The following GRK5 variants were observed in gnomAD, a reference collection of about 807,000 sequenced individuals.
GRK5 encodes G protein-coupled receptor kinase 5.
A neutral mutation model predicts 78.4 loss-of-function variants in GRK5; 40 were observed. The observed-to-expected ratio is 0.51, with a 90% confidence interval of 0.40 to 0.66. GRK5 has a LOEUF of 0.66. GRK5 is among the 30% of genes least tolerant of loss of function. The probability of loss-of-function intolerance (pLI) is 0.00; values close to 1 mark genes in which losing one functional copy is unlikely to be tolerated. For missense variants in GRK5, 598 were observed against 759.9 expected (o/e 0.79, Z 2.50); for synonymous variants, 289 against 296.8 (o/e 0.97, Z 0.27).
rs1209425297 is a variant in GRK5, at chr10:119,455,966, G to C, written c.*899G>C. Reference sequence around the variant, plus strand: ...CTGCTAAAGCCAGTCATTTGCAAGAGGTTTGCATTGGGGGATTTTTGCTCT... The same window carrying C: ...CTGCTAAAGCCAGTCATTTGCAAGACGTTTGCATTGGGGGATTTTTGCTCT... On this transcript the variant is annotated 3_prime_UTR_variant, in exon 16 of 16. Coordinates refer to ENST00000392870, the MANE Select transcript of GRK5 (RefSeq NM_005308.3). The C allele has an allele frequency of 6.6e-6, 1 of 152,416 alleles. No individual in the cohort carries two copies. Among genetic ancestry groups the C allele is most frequent in the Non-Finnish European group, 1.5e-5 (1 of 68,186 alleles). 9.4% of individuals were successfully genotyped at this position (152,416 alleles called of 1,614,324 possible).
At chr10:119,292,249 CCCTCCT>C (rs1304099938) in intron 1 of GRK5, among the ~76,000 whole-genome samples, 1 of 87,538 alleles carries the variant, frequency 1.1e-5, no homozygotes, top group African/African-American at 4.5e-5. Flanking sequence ...TTCCTCCTTC[CCCTCCT>C]CTTCCTCTTC....
At chr10:119,377,182 A>T (rs1851638455) in intron 2 of GRK5, among the ~76,000 whole-genome samples, 1 of 152,236 alleles carries the variant, frequency 6.6e-6, no homozygotes, top group Non-Finnish European at 1.5e-5. Flanking sequence ...TCCAAGCTGG[A>T]TTTCAACAAC....
intron 6 of GRK5, among the ~76,000 whole-genome samples, chr10:119,429,150 T>C (rs975440536): frequency 6.6e-6 from 1 of 152,184 alleles, no homozygotes; most frequent in African/African-American, 2.4e-5. Flanking sequence ...GTTTGGGCCC[T>C]GTGTCCTGAG....
intron 4 of GRK5, among the ~76,000 whole-genome samples, chr10:119,397,200 A>G (rs917056109): frequency 1.3e-5 from 2 of 152,214 alleles, no homozygotes; most frequent in African/African-American, 2.4e-5. Context: ...GCCCAACGAC[A>G]TCAAAGAATG....
At chr10:119,408,741 GT>G (rs374876495) in intron 4 of GRK5, among the ~76,000 whole-genome samples, 11 of 152,320 alleles carry the variant, frequency 7.2e-5, no homozygotes, top group African/African-American at 2.2e-4. Context: ...CAGAGTGTCT[GT>G]TGGGATGATA....
chr10:119,290,397 C>T (rs911267873), intron 1 of GRK5, among the ~76,000 whole-genome samples: 1 of 150,990 alleles, frequency 6.6e-6, no homozygotes, highest in African/African-American at 2.4e-5. Context: ...TCCCTGTGGC[C>T]GTCACCTCTA....
intron 6 of GRK5, among the ~76,000 whole-genome samples, chr10:119,428,962 A>G (rs1477212694): frequency 6.6e-6 from 1 of 152,182 alleles, no homozygotes; most frequent in Non-Finnish European, 1.5e-5. Flanking sequence ...TTTCTCCTCC[A>G]TGCATCGTAA....
chr10:119,453,556 A>G (rs1889427), intron 15 of GRK5, among the ~76,000 whole-genome samples: 27,802 of 152,116 alleles, frequency 0.18, 3,178 homozygotes, highest in African/African-American at 0.31. Context: ...TCCTTGTCAC[A>G]GTGCCGTCCT....
intron 1 of GRK5, among the ~76,000 whole-genome samples, chr10:119,273,147 T>G (rs1026223247): frequency 5.9e-5 from 9 of 152,194 alleles, no homozygotes; most frequent in African/African-American, 2.2e-4. Context: ...GAGGCCCATT[T>G]GGATAGCAGG....
intron 1 of GRK5, among the ~76,000 whole-genome samples, chr10:119,261,037 G>T (rs1849378967): frequency 9.8e-6 from 1 of 101,624 alleles, no homozygotes; most frequent in African/African-American, 3.6e-5. Flanking sequence ...GCAGGGGGCT[G>T]ACCCCCCCAC....
At chr10:119,284,183 T>G (rs1849809304) in intron 1 of GRK5, among the ~76,000 whole-genome samples, 1 of 152,192 alleles carries the variant, frequency 6.6e-6, no homozygotes, top group South Asian at 2.1e-4. Context: ...AACGTGAGCC[T>G]CTTATGAAGT....
At chr10:119,392,372 C>G (rs1283519686) in intron 3 of GRK5, among the ~76,000 whole-genome samples, 1 of 152,208 alleles carries the variant, frequency 6.6e-6, no homozygotes, top group African/African-American at 2.4e-5. Context: ...TGGCACGTAT[C>G]TGGATTATGG....
chr10:119,439,940 G>A lies in GRK5; in HGVS notation c.967+172G>A, dbSNP rs547346538. Among the ~76,000 whole-genome samples, 7 of 152,308 alleles carry A rather than the reference G, an allele frequency of 4.6e-5. No homozygotes were observed. The East Asian group carries it at 1.2e-3, about 25-fold the overall frequency. On this transcript the variant is annotated intron_variant, in intron 10 of 15. Transcript: ENST00000392870. ...AAGCTGTGAGTGTGAACAGAGCTCC[G>A]CTTGGTGAACAGGCAGTGTTCAGAG...
rs1361472078 is a variant in GRK5, at chr10:119,253,175, A to G, written c.52+45206A>G. ...AGCACAGGTTTGACAGAGGGTGTCT[A>G]CACCACCCAGTGCCCCCTTGAGCTC... On this transcript the variant is annotated intron_variant, in intron 1 of 15. Transcript: ENST00000392870. This position sits in a 1 kb window ranked among gnomAD's most constrained non-coding sequence, Gnocchi z 5.7. Among the ~76,000 whole-genome samples the G allele has an allele frequency of 1.3e-5, 2 of 152,192 alleles. No individual in the cohort carries two copies. Among genetic ancestry groups the G allele is most frequent in the African/African-American group, 2.4e-5 (1 of 41,434 alleles).
At chr10:119,218,961 G>A (rs572034021) in intron 1 of GRK5, among the ~76,000 whole-genome samples, 1 of 146,402 alleles carries the variant, frequency 6.8e-6, no homozygotes, top group Non-Finnish European at 1.5e-5. Context: ...GCAGTGGCAC[G>A]ATCTCAGCTC....
At chr10:119,400,094 G>A (rs1041519378) in intron 4 of GRK5, among the ~76,000 whole-genome samples, 7 of 152,230 alleles carry the variant, frequency 4.6e-5, no homozygotes, top group African/African-American at 1.4e-4. Context: ...GTCAGAGTCC[G>A]TTGGCCTCAC....
intron 1 of GRK5, among the ~76,000 whole-genome samples, chr10:119,258,272 T>G (rs977734558): frequency 6.6e-6 from 1 of 152,262 alleles, no homozygotes; most frequent in Non-Finnish European, 1.5e-5. Context: ...TGTGTTGTTA[T>G]GTGTATCAGT....
At chr10:119,408,009 C>T (rs936368874) in intron 4 of GRK5, among the ~76,000 whole-genome samples, 2 of 151,728 alleles carry the variant, frequency 1.3e-5, no homozygotes, top group African/African-American at 2.4e-5. Context: ...ATTAAAAATA[C>T]GAAATTAACC....
rs543859955 is a variant in GRK5 at position 119,349,003 on chromosome 10, G to C, written c.148+22392G>C. ...TCTTTTTAAGATGTTGGCAAGAAAT[G>C]AGAGTTAGGCAATCTTCCGTCACCC... is the stretch of plus-strand genomic sequence containing the variant. On this transcript the variant is annotated intron_variant, in intron 2 of 15. Transcript: ENST00000392870. Among the ~76,000 whole-genome samples the C allele has an allele frequency of 2.0e-5, 3 of 152,324 alleles. No homozygotes were observed. The South Asian group carries it at 6.2e-4, about 32-fold the overall frequency.
Sources: gnomAD v4.1 joint callset for allele counts (sites outside exome capture counted in the v4.1 genomes callset) on GRCh38, gnomAD v4.1.1 for gene constraint, Gnocchi (gnomAD v3.1) non-coding constraint, MANE v1.5 for transcripts, NCBI Gene and HGNC (gene_info 2026-07-23, HGNC 2026-07-21) for gene names.